Variants in KRTCAP2 observed in about 807,000 individuals in gnomAD.
KRTCAP2 encodes the protein dolichyl-diphosphooligosaccharide--protein glycosyltransferase subunit KCP2.
In KRTCAP2, 10 loss-of-function variants were observed where a neutral mutation model predicts 16.5. That is an observed-to-expected ratio of 0.60 (90% confidence interval 0.37 to 1.02). The LOEUF (loss-of-function observed/expected upper bound fraction) is 1.02. Among genes scored for constraint, KRTCAP2 ranks in the 50% least tolerant of loss-of-function variants. The pLI, the probability that KRTCAP2 is intolerant of heterozygous loss-of-function variation, is 0.01. For missense variants in KRTCAP2, 152 were observed against 159.6 expected (o/e 0.95, Z 0.26); for synonymous variants, 68 against 69.8 (o/e 0.97, Z 0.13).
chr1:155,171,702 TAA>T (rs1447196467), intron 3 of KRTCAP2: 1 of 592,592 alleles, frequency 1.7e-6, no homozygotes. Context: ...TACAAAAACT[TAA>T]AACAGTAGCT....
rs189444397 is a variant in KRTCAP2, at chr1:155,172,063, A to G, written c.223+502T>C. 201 of 992,186 alleles carry G rather than the reference A, an allele frequency of 2.0e-4. 1 individual carries two copies. The East Asian group carries it at 0.019, about 94-fold the overall frequency. The allele number at this position is 992,186 out of a possible 1,614,324, so 61.5% of individuals were successfully genotyped here. ...AATTCTTGATTACATGAGCAATTGA[A>G]CAAGAATTATTCCAAACAGGAAATA... On this transcript the variant is annotated intron_variant, in intron 3 of 4. Transcript: ENST00000295682.
intron 1 of KRTCAP2, 154 bp downstream of exon 1, chr1:155,173,067 C>G (rs933554203): frequency 4.3e-6 from 4 of 925,726 alleles, no homozygotes; most frequent in African/African-American, 1.6e-5. Flanking sequence ...TATTCCCCAG[C>G]CCCGGACACC....
In KRTCAP2 at chr1:155,173,251, C is replaced by T. The variant is rs770015435; in HGVS notation, c.-27G>A. On this transcript the variant is annotated 5_prime_UTR_variant, in exon 1 of 5. Coordinates refer to ENST00000295682, the MANE Select transcript of KRTCAP2 (RefSeq NM_173852.4). ...ATGCCCCGCCCGTGAGTCCAACCGG[C>T]GCCTCTGGCCAAGAAAGGCGAGCTG... is the stretch of plus-strand genomic sequence containing the variant. 1.9e-6 allele frequency: 3 copies of T among 1,614,104 alleles called. No homozygotes were observed. The highest frequency in any genetic ancestry group is 2.2e-5 in the South Asian group (2 of 91,068).
chr1:155,169,943 C>A, intron 3 of KRTCAP2, 86 bp from the exon 4 acceptor site: 1 of 879,290 alleles, frequency 1.1e-6, no homozygotes. Flanking sequence ...AAATCCGGGG[C>A]TCTCTGAATC....
At chr1:155,172,977 C>T (rs1475241260) in intron 1 of KRTCAP2, 85 bp from the exon 2 acceptor site, 5 of 1,447,696 alleles carry the variant, frequency 3.5e-6, no homozygotes, top group Non-Finnish European at 4.8e-6. Context: ...TCCGGAAGCT[C>T]GGTGGGCCGA....
chr1:155,172,883 G>C lies in KRTCAP2; in HGVS notation c.14C>G (p.Thr5Arg). MVVG[T>R]GTSLALSSLL... ...GGAGGAGAGCGCCAGCGAGGTGCCC[G>C]TACCCACCACTGGAGGGGATGGGAG... Residue 5 changes from threonine to arginine, a missense_variant, in exon 2 of 5, where the codon ACG becomes AGG. Thr to Arg is a moderately conservative substitution (Grantham distance 71). Transcript: ENST00000295682. 2 of 1,613,838 alleles carry C rather than the reference G, an allele frequency of 1.2e-6. No individual in the cohort carries two copies. The highest frequency in any genetic ancestry group is 1.7e-6 in the Non-Finnish European group (2 of 1,179,938).
chr1:155,169,641 A>G (rs1363498299), intron 4 of KRTCAP2, 81 bp from the exon 5 acceptor site: 1 of 1,520,280 alleles, frequency 6.6e-7, no homozygotes, highest in Non-Finnish European at 9.1e-7. Flanking sequence ...ACTAGCATCA[A>G]GGAAAGAATC....
Position 155,172,728 on chromosome 1 carries a change from GGGA to G in KRTCAP2, c.159+7_159+9del. 1 of 1,614,198 alleles carries G rather than the reference GGGA, an allele frequency of 6.2e-7. No homozygotes were observed. Among genetic ancestry groups the G allele is most frequent in the Non-Finnish European group, 8.5e-7 (1 of 1,180,030 alleles). Reference sequence around the variant, plus strand: ...ACGTGGCCCGCCCCCTCCAACTGCAGGGAGGATACAGTGAGCGAGAACACGAAG... The same window carrying G: ...ACGTGGCCCGCCCCCTCCAACTGCAGGGATACAGTGAGCGAGAACACGAAG... On this transcript the variant is annotated splice_region_variant and intron_variant, in intron 2 of 4. Coordinates refer to ENST00000295682, the MANE Select transcript of KRTCAP2 (RefSeq NM_173852.4).
Position 155,172,483 on chromosome 1 carries a change from T to C in KRTCAP2, c.223+82A>G. 5 of 1,610,906 alleles carry C rather than the reference T, an allele frequency of 3.1e-6. No individual in the cohort carries two copies. In the South Asian group the frequency reaches 3.3e-5, roughly 11 times the overall value. ...TATTTCTCCTTAACAACCTTTCACC[T>C]AAGCATCTGGAAATTCAATATCATG... is the stretch of plus-strand genomic sequence containing the variant. On this transcript the variant is annotated intron_variant, in intron 3 of 4. Coordinates refer to ENST00000295682, the MANE Select transcript of KRTCAP2 (RefSeq NM_173852.4).
chr1:155,171,869 A>AT, intron 3 of KRTCAP2: 4 of 959,224 alleles, frequency 4.2e-6, no homozygotes, highest in Non-Finnish European at 5.0e-6. Context: ...AAAAAAAAAA[A>AT]GAGAAAAGAT....
chr1:155,172,539 A>G (rs751699665), intron 3 of KRTCAP2, 26 bp downstream of exon 3: 2 of 1,614,238 alleles, frequency 1.2e-6, no homozygotes, highest in Non-Finnish European at 1.7e-6. Context: ...GAAAGTTCAA[A>G]TACTCAAGCT....
In KRTCAP2 at chr1:155,169,530, G is replaced by A. The variant is rs780448628; in HGVS notation, c.321C>T (p.Tyr107=). ...CFIFSMVGLY[Y]INKISSTLYQ... ...ACAGGGTGGAGGAGATCTTGTTGAT[G>A]TAGTACAGACCAACCATGGAGAAGA... The change falls in exon 5 of 5, where the codon TAC becomes TAT. Residue 107 remains tyrosine, a synonymous_variant. Coordinates refer to ENST00000295682, the MANE Select transcript of KRTCAP2 (RefSeq NM_173852.4). The A allele has an allele frequency of 6.2e-6, 10 of 1,614,026 alleles. No individual in the cohort carries two copies. The African/African-American group carries it at 9.3e-5, about 15-fold the overall frequency.
chr1:155,170,620 C>T (rs151172007), intron 3 of KRTCAP2: 1 of 152,358 alleles, frequency 6.6e-6, no homozygotes, highest in East Asian at 1.9e-4. Context: ...GGTTGGAGGG[C>T]AGAGTGCTTG....
chr1:155,173,112 CG>C, intron 1 of KRTCAP2, 108 bp downstream of exon 1: 1 of 1,097,574 alleles, frequency 9.1e-7, no homozygotes, highest in Non-Finnish European at 1.3e-6. Context: ...TGCCCGCTCC[CG>C]GTGGAACCCA....
At chr1:155,172,933 C>A in intron 1 of KRTCAP2, 41 bp from the exon 2 acceptor site, 1 of 1,605,066 alleles carries the variant, frequency 6.2e-7, no homozygotes, top group African/African-American at 1.3e-5. Flanking sequence ...CAGGCTCCGC[C>A]CTCCCTCCGG....
At chr1:155,171,418 CAAAA>C (rs57841755) in intron 3 of KRTCAP2, 447 of 813,142 alleles carry the variant, frequency 5.5e-4, no homozygotes, top group Middle Eastern at 6.4e-4. Flanking sequence ...GACTCCATCT[CAAAA>C]AAAAAAAAAA....
At position 155,169,441 on chromosome 1, in the gene KRTCAP2, C is replaced by G; in HGVS notation, c.410G>C (p.Ter137SerextTer2). 1 of 1,613,824 alleles carries G rather than the reference C, an allele frequency of 6.2e-7. No homozygotes were observed. The highest frequency in any genetic ancestry group is 8.5e-7 in the Non-Finnish European group (1 of 1,179,874). The part of the protein sequence containing the change: ...KVTGKSKKRN[*>S] ...ATCAACTTTATTGAACATTCAGGGT[C>G]AGTTTCTCTTCTTGCTCTTGCCTGT... Residue 137 changes from the stop codon to serine, a stop_lost, in exon 5 of 5, where the codon TGA becomes TCA. Coordinates refer to ENST00000295682, the MANE Select transcript of KRTCAP2 (RefSeq NM_173852.4).
In KRTCAP2 at chr1:155,171,597, C is replaced by T. The variant is rs764312835; in HGVS notation, c.223+968G>A. ...GGGCAGCCAGGCACAGTGGCTCACA[C>T]CTGTAATTCCAGCACTCTGGGAGGC... On this transcript the variant is annotated intron_variant, in intron 3 of 4. Transcript: ENST00000295682. The T allele has an allele frequency of 8.1e-6, 8 of 984,076 alleles. No individual in the cohort carries two copies. In the African/African-American group the frequency reaches 1.4e-4, roughly 17 times the overall value. The allele number at this position is 984,076 out of a possible 1,614,324, so 61.0% of individuals were successfully genotyped here.
Position 155,169,820 on chromosome 1 carries a change from G to C in KRTCAP2, c.261C>G (p.Gly87=). The stretch of plus-strand genomic sequence containing the variant: ...TGGTGACACAGACTCGGTGGATGAG[G>C]CCAGATGCAAAGAGAGCCAACAGGA... ...LCLLLALFAS[G]LIHRVCVTTC... is the part of the protein sequence containing the mutation. The change falls in exon 4 of 5, where the codon GGC becomes GGG. Residue 87 remains glycine (G), a synonymous_variant. Coordinates refer to ENST00000295682, the MANE Select transcript of KRTCAP2 (RefSeq NM_173852.4). 1 of 1,596,870 alleles carries C rather than the reference G, an allele frequency of 6.3e-7. No individual in the cohort carries two copies. The highest frequency in any genetic ancestry group is 1.1e-5 in the South Asian group (1 of 88,154).
Sources: allele counts gnomAD v4.1 joint callset, GRCh38; gene constraint gnomAD v4.1.1; transcripts MANE v1.5; gene names NCBI Gene and HGNC (gene_info 2026-07-23, HGNC 2026-07-21).